Variants in NEO1 observed in about 807,000 individuals in gnomAD.
The protein encoded by NEO1 is neogenin 1.
In NEO1, 63 loss-of-function variants were observed where a neutral mutation model predicts 159.7. The ratio of observed to expected loss-of-function variants is 0.39; its 90% CI spans 0.32 to 0.49. The LOEUF (loss-of-function observed/expected upper bound fraction) is 0.49. Among genes scored for constraint, NEO1 ranks in the 20% least tolerant of loss-of-function variants. The pLI is 0.85. For missense variants in NEO1, 1,615 were observed against 1,831.0 expected, an observed-to-expected ratio of 0.88 and a Z score of 2.15; for synonymous variants, 633 against 662.0, an observed-to-expected ratio of 0.96 and a Z score of 0.67.
At chr15:73,274,631 C>T in intron 20 of NEO1, 61 bp from the exon 21 acceptor site, 1 of 1,550,562 alleles carries the variant, frequency 6.4e-7, no homozygotes, top group Non-Finnish European at 8.8e-7. Flanking sequence ...TCTGCCTGTC[C>T]CATCTTCAAA....
chr15:73,161,341 T>TA (rs1396369404), intron 5 of NEO1, among the ~76,000 whole-genome samples: 1 of 152,228 alleles, frequency 6.6e-6, no homozygotes, highest in Non-Finnish European at 1.5e-5. Context: ...TAGGATTTTT[T>TA]ATTGAGTTAT....
At chr15:73,184,788 C>T (rs569649398) in intron 7 of NEO1, among the ~76,000 whole-genome samples, 9 of 152,048 alleles carry the variant, frequency 5.9e-5, no homozygotes, top group Admixed American at 3.9e-4. Context: ...ATTAGCTGGG[C>T]GTAGTGGTGC....
chr15:73,092,362 T>A (rs191209521), intron 1 of NEO1, among the ~76,000 whole-genome samples: 3 of 152,340 alleles, frequency 2.0e-5, no homozygotes, highest in Admixed American at 1.3e-4. Flanking sequence ...TCTAGATACC[T>A]GTTATATAAG....
intron 5 of NEO1, among the ~76,000 whole-genome samples, chr15:73,150,587 G>C (rs1466200807): frequency 6.6e-6 from 1 of 151,924 alleles, no homozygotes; most frequent in Non-Finnish European, 1.5e-5. Context: ...AGATCCTTAA[G>C]CATTCATATC....
At chr15:73,090,832 C>A (rs576642691) in intron 1 of NEO1, among the ~76,000 whole-genome samples, 1 of 152,082 alleles carries the variant, frequency 6.6e-6, no homozygotes, top group Non-Finnish European at 1.5e-5. Context: ...TTTTAAATTA[C>A]ACCCTATAGC....
At chr15:73,151,751 G>A (rs1411265073) in intron 5 of NEO1, among the ~76,000 whole-genome samples, 1 of 152,182 alleles carries the variant, frequency 6.6e-6, no homozygotes, top group Non-Finnish European at 1.5e-5. Context: ...AACATGTGGG[G>A]ATTATGGAAA....
At chr15:73,154,566 C>G (rs536474557) in intron 5 of NEO1, among the ~76,000 whole-genome samples, 1 of 152,292 alleles carries the variant, frequency 6.6e-6, no homozygotes, top group Admixed American at 6.5e-5. Flanking sequence ...ATTTTTAGCT[C>G]CCACAAATAA....
At chr15:73,084,662 C>A (rs1400828670) in intron 1 of NEO1, among the ~76,000 whole-genome samples, 1 of 151,930 alleles carries the variant, frequency 6.6e-6, no homozygotes, top group Admixed American at 6.6e-5. Flanking sequence ...GGATATATAC[C>A]CAGTGGTGGG....
At chr15:73,293,243 C>G in intron 25 of NEO1, 147 bp from the exon 26 acceptor site, 2 of 779,586 alleles carry the variant, frequency 2.6e-6, no homozygotes, top group East Asian at 2.5e-5. Flanking sequence ...GGCTAATTGA[C>G]CAGATCTAGC....
chr15:73,217,125 T>C (rs1171177254), intron 7 of NEO1, among the ~76,000 whole-genome samples: 2 of 151,864 alleles, frequency 1.3e-5, no homozygotes, highest in Admixed American at 1.3e-4. Flanking sequence ...AAGGAAGGGA[T>C]CCAGTTTCAG....
At chr15:73,125,915 A>G (rs536616555) in intron 3 of NEO1, among the ~76,000 whole-genome samples, 3 of 152,220 alleles carry the variant, frequency 2.0e-5, no homozygotes, top group East Asian at 1.9e-4. Context: ...GGAGAATGCC[A>G]TGGGTCCTGA....
intron 7 of NEO1, among the ~76,000 whole-genome samples, chr15:73,204,990 C>T (rs1694648809): frequency 6.6e-6 from 1 of 152,128 alleles, no homozygotes; most frequent in Non-Finnish European, 1.5e-5. Flanking sequence ...GATTTTTTGT[C>T]TCTACTCTTG....
At chr15:73,061,366 C>A (rs935385225) in intron 1 of NEO1, among the ~76,000 whole-genome samples, 2 of 152,172 alleles carry the variant, frequency 1.3e-5, no homozygotes, top group African/African-American at 2.4e-5. Context: ...TCCTTTTATC[C>A]CCTCCTACTG....
intron 1 of NEO1, among the ~76,000 whole-genome samples, chr15:73,063,485 C>A (rs898558347): frequency 7.3e-5 from 11 of 151,158 alleles, no homozygotes; most frequent in Admixed American, 6.6e-4. Flanking sequence ...TATTTGATGG[C>A]TGTGTGTAAA....
chr15:73,139,542 T>C (rs1464345155), intron 5 of NEO1, among the ~76,000 whole-genome samples: 1 of 152,190 alleles, frequency 6.6e-6, no homozygotes, highest in African/African-American at 2.4e-5. Flanking sequence ...ATAACAATAT[T>C]GATAAATCCC....
chr15:73,148,854 G>T (rs55996494), intron 5 of NEO1, among the ~76,000 whole-genome samples: 25,401 of 141,122 alleles, frequency 0.18, 3,567 homozygotes, highest in African/African-American at 0.4. Flanking sequence ...TTTCAAACTT[G>T]TTTTTTTTTT....
intron 5 of NEO1, among the ~76,000 whole-genome samples, chr15:73,160,449 G>T (rs1012453425): frequency 1.5e-4 from 23 of 152,102 alleles, no homozygotes; most frequent in African/African-American, 3.9e-4. Context: ...TCCATGTAGA[G>T]ATATGGCACT....
rs117539550 is a variant in NEO1, at chr15:73,178,253, A to T, written c.1171-54A>T. On this transcript the variant is annotated intron_variant, in intron 6 of 28. Transcript: ENST00000261908. ...CAAAAAGCATATTTTTGAGATTTTG[A>T]TCTGGTATTTATCAATTAAATTATG... The T allele has an allele frequency of 4.1e-3, 6,137 of 1,512,186 alleles. 27 individuals carry two copies. Among genetic ancestry groups the T allele is most frequent in the Non-Finnish European group, 4.8e-3 (5,335 of 1,109,716 alleles). The allele number at this position is 1,512,186 out of a possible 1,614,324, so 93.7% of individuals were successfully genotyped here.
intron 26 of NEO1, among the ~76,000 whole-genome samples, chr15:73,295,147 A>AT (rs1238740275): frequency 2.4e-4 from 24 of 100,460 alleles, no homozygotes; most frequent in African/African-American, 6.0e-4. Flanking sequence ...TATATATGTA[A>AT]AAATTTGGCC....
Sources: allele counts gnomAD v4.1 joint callset (sites outside exome capture counted in the v4.1 genomes callset), GRCh38; gene constraint gnomAD v4.1.1; transcripts MANE v1.5; gene names NCBI Gene and HGNC (gene_info 2026-07-23, HGNC 2026-07-21).